Variants in GPC5 observed in about 807,000 individuals in gnomAD.
GPC5 encodes the protein glypican 5.
A neutral mutation model predicts 53.9 loss-of-function variants in GPC5; 47 were observed. The observed-to-expected ratio is 0.87, with a 90% CI of 0.69 to 1.11. The LOEUF (loss-of-function observed/expected upper bound fraction) is 1.11. Ranked by LOEUF, GPC5 falls within the 50% of genes most tolerant of loss-of-function variation. GPC5 has a pLI of 0.00. For missense variants in GPC5, 748 were observed against 713.1 expected, an observed-to-expected ratio of 1.05 and a Z score of -0.56; for synonymous variants, 286 against 263.3, an observed-to-expected ratio of 1.09 and a Z score of -0.84.
At chr13:92,591,124 G>C (rs1479520709) in intron 7 of GPC5, among the ~76,000 whole-genome samples, 2 of 152,090 alleles carry the variant, frequency 1.3e-5, no homozygotes, top group Admixed American at 1.3e-4. Context: ...TATGCTGATT[G>C]GGAAAAAAAT....
intron 7 of GPC5, among the ~76,000 whole-genome samples, chr13:92,817,162 A>G (rs968369425): frequency 6.6e-6 from 1 of 152,030 alleles, no homozygotes; most frequent in African/African-American, 2.4e-5. Context: ...ATTTTTAATT[A>G]TTCAGACCCA....
intron 5 of GPC5, among the ~76,000 whole-genome samples, chr13:91,850,372 T>C (rs1277819229): frequency 6.6e-6 from 1 of 152,100 alleles, no homozygotes; most frequent in Non-Finnish European, 1.5e-5. Flanking sequence ...ACAAAGAGTT[T>C]TCTGGTTCAA....
intron 3 of GPC5, among the ~76,000 whole-genome samples, chr13:91,712,460 A>G (rs553490106): frequency 4.1e-4 from 62 of 152,200 alleles, no homozygotes; most frequent in African/African-American, 1.4e-3. Context: ...GAAAGTATGA[A>G]TCATAAATAT....
chr13:92,037,101 C>T (rs1397656058), intron 6 of GPC5, among the ~76,000 whole-genome samples: 1 of 152,136 alleles, frequency 6.6e-6, no homozygotes, highest in East Asian at 1.9e-4. Context: ...CAAACTCTGT[C>T]TCTTTCTTCT....
intron 6 of GPC5, among the ~76,000 whole-genome samples, chr13:91,921,090 T>C (rs2139017126): frequency 6.6e-6 from 1 of 151,938 alleles, no homozygotes; most frequent in East Asian, 1.9e-4. Context: ...AAGTGCACCA[T>C]CATGCCTGGC....
chr13:91,843,676 T>C (rs779120848), intron 5 of GPC5, among the ~76,000 whole-genome samples: 4 of 152,090 alleles, frequency 2.6e-5, no homozygotes, highest in Non-Finnish European at 5.9e-5. Context: ...GGAAAACAAC[T>C]GTAGTGGCTG....
chr13:91,675,185 T>C (rs1484941082), intron 2 of GPC5, among the ~76,000 whole-genome samples: 2 of 151,268 alleles, frequency 1.3e-5, no homozygotes, highest in African/African-American at 4.9e-5. Flanking sequence ...ATTGGGTATA[T>C]GGGAGATGAA....
intron 7 of GPC5, among the ~76,000 whole-genome samples, chr13:92,255,743 T>G (rs1228468775): frequency 6.6e-6 from 1 of 152,258 alleles, no homozygotes; most frequent in East Asian, 1.9e-4. Context: ...CTGGGACTCT[T>G]GGCTTCCAAG....
At chr13:91,778,443 A>G (rs760657303) in intron 5 of GPC5, among the ~76,000 whole-genome samples, 1 of 152,100 alleles carries the variant, frequency 6.6e-6, no homozygotes, top group Non-Finnish European at 1.5e-5. Flanking sequence ...TCCTCCTTCC[A>G]TCTCCATTCT....
intron 6 of GPC5, among the ~76,000 whole-genome samples, chr13:92,043,409 G>A (rs1388507564): frequency 1.3e-5 from 2 of 152,120 alleles, no homozygotes; most frequent in Non-Finnish European, 2.9e-5. Flanking sequence ...GAAAATGTGA[G>A]GAGCAAGGGA....
chr13:91,539,361 T>C (rs2029864165), intron 2 of GPC5, among the ~76,000 whole-genome samples: 2 of 152,156 alleles, frequency 1.3e-5, no homozygotes, highest in African/African-American at 4.8e-5. Flanking sequence ...TCTGACTTGA[T>C]CTAGTTCGTC....
chr13:92,550,563 A>G (rs1160449789), intron 7 of GPC5, among the ~76,000 whole-genome samples: 1 of 151,834 alleles, frequency 6.6e-6, no homozygotes, highest in Non-Finnish European at 1.5e-5. Context: ...TGTGTCAAGT[A>G]ACATATTCCA....
chr13:91,444,867 C>T (rs542228780), intron 1 of GPC5, among the ~76,000 whole-genome samples: 27 of 152,230 alleles, frequency 1.8e-4, no homozygotes, highest in Admixed American at 2.0e-4. Context: ...GTAGGAGCCC[C>T]GCTTTACTTG....
At chr13:92,274,580 G>A (rs1289493528) in intron 7 of GPC5, among the ~76,000 whole-genome samples, 1 of 152,052 alleles carries the variant, frequency 6.6e-6, no homozygotes, top group Non-Finnish European at 1.5e-5. Context: ...TTGGTTAGCT[G>A]GCTCTTCCAC....
chr13:92,717,140 ATAT>A (rs1220862733), intron 7 of GPC5, among the ~76,000 whole-genome samples: 1 of 152,074 alleles, frequency 6.6e-6, no homozygotes, highest in East Asian at 1.9e-4. Context: ...CTTTTCCAAA[ATAT>A]TATTACATTC....
chr13:91,684,534 C>T (rs891404183), intron 2 of GPC5, among the ~76,000 whole-genome samples: 23 of 152,164 alleles, frequency 1.5e-4, no homozygotes, highest in Admixed American at 3.3e-4. Flanking sequence ...TCCAAACAAA[C>T]CACAAGTTAT....
intron 6 of GPC5, among the ~76,000 whole-genome samples, chr13:92,135,809 G>T (rs1267497379): frequency 6.6e-6 from 1 of 152,142 alleles, no homozygotes; most frequent in Non-Finnish European, 1.5e-5. Context: ...CAAGAAATCC[G>T]ACAGAAATGA....
At chr13:91,599,548 C>A (rs1354568283) in intron 2 of GPC5, among the ~76,000 whole-genome samples, 1 of 151,896 alleles carries the variant, frequency 6.6e-6, no homozygotes, top group African/African-American at 2.4e-5. Context: ...TAATAATGTG[C>A]ACACTTAAAA....
intron 7 of GPC5, chr13:92,509,706 A>G (rs1302920388): frequency 2.6e-5 from 4 of 152,222 alleles, no homozygotes; most frequent in African/African-American, 7.2e-5. Flanking sequence ...CGAAATTTCT[A>G]CAATTTACCA....
Sources: gnomAD v4.1 joint callset for allele counts (sites outside exome capture counted in the v4.1 genomes callset) on GRCh38, gnomAD v4.1.1 for gene constraint, MANE v1.5 for transcripts, NCBI Gene and HGNC (gene_info 2026-07-23, HGNC 2026-07-21) for gene names.